The following FGF12 variants were observed in gnomAD, a reference collection of about 807,000 sequenced individuals.
FGF12 encodes fibroblast growth factor 12.
A neutral mutation model predicts 23.6 loss-of-function variants in FGF12; 14 were observed. The ratio of observed to expected loss-of-function variants is 0.59; its 90% confidence interval spans 0.39 to 0.93. The LOEUF (loss-of-function observed/expected upper bound fraction) is 0.93, where lower values mean the gene tolerates loss of function less well. FGF12 is among the 40% of genes least tolerant of loss of function. The pLI, the probability that FGF12 is intolerant of heterozygous loss-of-function variation, is 0.00. For synonymous variants in FGF12, 62 were observed against 77.3 expected, an observed-to-expected ratio of 0.80 and a Z score of 1.04; for missense variants, 175 against 217.8, an observed-to-expected ratio of 0.80 and a Z score of 1.24.
Position 192,408,045 on chromosome 3 carries a change from C to T in FGF12, c.14-47507G>A, listed in dbSNP as rs757748647. 1.2e-6 allele frequency: 2 copies of T among 1,611,792 alleles called. No individual in the cohort carries two copies. Among genetic ancestry groups the T allele is most frequent in the Non-Finnish European group, 1.7e-6 (2 of 1,179,510 alleles). ...CTGACCTGGTCTCCGCCTCACCGGC[C>T]TCTTGCGGCCGCTGCAGAAGCGCAC... On this transcript the variant is annotated intron_variant, in intron 2 of 5. Coordinates refer to ENST00000445105, the MANE Select transcript of FGF12 (RefSeq NM_004113.6). This position sits in a 1 kb window ranked among gnomAD's most constrained non-coding sequence, Gnocchi z 7.3.
intron 2 of FGF12, among the ~76,000 whole-genome samples, chr3:192,421,426 TG>T (rs1483025855): frequency 8.4e-5 from 5 of 59,210 alleles, no homozygotes; most frequent in African/African-American, 1.4e-4. Context: ...ACTGCTTACT[TG>T]AAAAAAAAAA....
chr3:192,271,242 T>C lies in FGF12; in HGVS notation c.228+64119A>G, dbSNP rs1362181226. ...ATTTAGTAACATCCAGTACATCTGC[T>C]GGCTTTGTATGAATTCAGAGGTTCA... On this transcript the variant is annotated intron_variant, in intron 4 of 5. Coordinates refer to ENST00000445105, the MANE Select transcript of FGF12 (RefSeq NM_004113.6). Among the ~76,000 whole-genome samples the C allele has an allele frequency of 9.8e-5, 15 of 152,340 alleles. No homozygotes were observed. The East Asian group carries it at 2.3e-3, about 24-fold the overall frequency.
intron 2 of FGF12, among the ~76,000 whole-genome samples, chr3:192,395,975 C>T (rs754276907): frequency 6.6e-5 from 10 of 152,070 alleles, no homozygotes; most frequent in Non-Finnish European, 1.0e-4. Flanking sequence ...AGGTTTGGGT[C>T]GGCTAGAGTA....
At chr3:192,534,218 C>G (rs988614794) in intron 2 of FGF12, 1 of 152,148 alleles carries the variant, frequency 6.6e-6, no homozygotes, top group Non-Finnish European at 1.5e-5. Context: ...TAGCTGCTAG[C>G]TTTCCATTAC....
At chr3:192,494,695 T>C (rs1213342726) in intron 2 of FGF12, among the ~76,000 whole-genome samples, 5 of 152,184 alleles carry the variant, frequency 3.3e-5, no homozygotes, top group African/African-American at 7.2e-5. Context: ...TACTGTATCA[T>C]GCATTCTATT....
chr3:192,374,155 A>C (rs1050919485), intron 2 of FGF12, among the ~76,000 whole-genome samples: 10 of 152,360 alleles, frequency 6.6e-5, no homozygotes, highest in African/African-American at 2.4e-4. Context: ...TCAAAAATAC[A>C]AAAACATTGG....
chr3:192,204,131 CA>C (rs1489223846), intron 4 of FGF12, among the ~76,000 whole-genome samples: 1 of 152,024 alleles, frequency 6.6e-6, no homozygotes, highest in Non-Finnish European at 1.5e-5. Flanking sequence ...GAAGGTCACC[CA>C]AAAACTGAGT....
At chr3:192,708,109 G>T (rs1276665250) in intron 2 of FGF12, among the ~76,000 whole-genome samples, 1 of 152,050 alleles carries the variant, frequency 6.6e-6, no homozygotes, top group Non-Finnish European at 1.5e-5. Flanking sequence ...ACAGGCGCCT[G>T]CCACCACACC....
At chr3:192,671,362 C>T (rs901793324) in intron 2 of FGF12, among the ~76,000 whole-genome samples, 1 of 152,126 alleles carries the variant, frequency 6.6e-6, no homozygotes, top group Non-Finnish European at 1.5e-5. Flanking sequence ...TCCCATTTAC[C>T]ATTGATTCTG....
chr3:192,372,856 T>C (rs2108745087), intron 2 of FGF12, among the ~76,000 whole-genome samples: 2 of 152,360 alleles, frequency 1.3e-5, no homozygotes, highest in African/African-American at 4.8e-5. Context: ...ATCTGGCTCC[T>C]GCCCACAGTT....
chr3:192,299,754 A>G (rs750694226), intron 4 of FGF12, among the ~76,000 whole-genome samples: 1 of 152,188 alleles, frequency 6.6e-6, no homozygotes, highest in Non-Finnish European at 1.5e-5. Flanking sequence ...GAGTGACTCC[A>G]GACTATGAGG....
chr3:192,396,497 C>A (rs9839293), intron 2 of FGF12, among the ~76,000 whole-genome samples: 3,745 of 152,266 alleles, frequency 0.025, 161 homozygotes, highest in African/African-American at 0.086. Flanking sequence ...ATAGGCTTAT[C>A]GCAAATTTCA....
At chr3:192,388,764 G>A (rs974157812) in intron 2 of FGF12, among the ~76,000 whole-genome samples, 70 of 151,670 alleles carry the variant, frequency 4.6e-4, no homozygotes, top group African/African-American at 1.7e-3. Context: ...GCCAGACTGT[G>A]GAATTCTATA....
At chr3:192,467,089 G>C (rs1040776205) in intron 2 of FGF12, among the ~76,000 whole-genome samples, 1 of 152,120 alleles carries the variant, frequency 6.6e-6, no homozygotes, top group South Asian at 2.1e-4. Context: ...TCTGCATAGA[G>C]TAAATTTAAA....
chr3:192,418,114 G>A (rs1721410834), intron 2 of FGF12, among the ~76,000 whole-genome samples: 1 of 152,114 alleles, frequency 6.6e-6, no homozygotes, highest in Non-Finnish European at 1.5e-5. Flanking sequence ...GTAGATGTTA[G>A]ATGCAAATTA....
At chr3:192,517,025 AT>A (rs1045912220) in intron 2 of FGF12, 1 of 152,240 alleles carries the variant, frequency 6.6e-6, no homozygotes, top group Non-Finnish European at 1.5e-5. Flanking sequence ...GGGCTCTCCT[AT>A]TCTGGAACCC....
chr3:192,589,470 G>A (rs1339996990), intron 2 of FGF12, among the ~76,000 whole-genome samples: 3 of 151,852 alleles, frequency 2.0e-5, no homozygotes, highest in Admixed American at 1.3e-4. Context: ...AAATCACAAT[G>A]TTTTGGAATG....
At chr3:192,565,154 A>G (rs144061689) in intron 2 of FGF12, among the ~76,000 whole-genome samples, 16 of 152,380 alleles carry the variant, frequency 1.1e-4, no homozygotes, top group African/African-American at 3.8e-4. Context: ...CTTTAAGCAT[A>G]TTTTGGTAAT....
chr3:192,474,414 T>TA (rs1484713216), intron 2 of FGF12, among the ~76,000 whole-genome samples: 2 of 152,180 alleles, frequency 1.3e-5, no homozygotes, highest in Admixed American at 6.5e-5. Flanking sequence ...AACCCAGATT[T>TA]GGCCAATTAT....
Sources: gnomAD v4.1 joint callset for allele counts (sites outside exome capture counted in the v4.1 genomes callset) on GRCh38, gnomAD v4.1.1 for gene constraint, Gnocchi (gnomAD v3.1) non-coding constraint, MANE v1.5 for transcripts, NCBI Gene and HGNC (gene_info 2026-07-23, HGNC 2026-07-21) for gene names.